MCU: variants seen among roughly 807,000 people sequenced by gnomAD.
MCU encodes mitochondrial calcium uniporter.
In MCU, 12 loss-of-function variants were observed where a neutral mutation model predicts 45.2. The ratio of observed to expected loss-of-function variants is 0.27; its 90% CI spans 0.17 to 0.43. The LOEUF is 0.43. MCU is among the 20% of genes least tolerant of loss of function. The probability of loss-of-function intolerance (pLI) is 1.00; values close to 1 mark genes in which losing one functional copy is unlikely to be tolerated. For synonymous variants in MCU, 160 were observed against 165.1 expected (o/e 0.97, Z 0.24); for missense variants, 324 against 436.7 (o/e 0.74, Z 2.30).
intron 1 of MCU, chr10:72,693,118 C>T: frequency 1.3e-6 from 2 of 1,522,578 alleles, no homozygotes; most frequent in Non-Finnish European, 1.8e-6. Flanking sequence ...CCAGTTGTTG[C>T]TGGGTTTCAT....
intron 1 of MCU, among the ~76,000 whole-genome samples, chr10:72,749,177 T>G (rs1242993341): frequency 6.6e-6 from 1 of 152,018 alleles, no homozygotes; most frequent in Non-Finnish European, 1.5e-5. Context: ...CTCAGCTACT[T>G]GGGAGACTGA....
At chr10:72,710,006 C>G (rs932370708) in intron 1 of MCU, among the ~76,000 whole-genome samples, 1 of 152,144 alleles carries the variant, frequency 6.6e-6, no homozygotes, top group Non-Finnish European at 1.5e-5. Context: ...GATGAAGTCT[C>G]GATCTGTCGC....
chr10:72,810,490 G>A (rs181344729), intron 1 of MCU, among the ~76,000 whole-genome samples: 27 of 121,436 alleles, frequency 2.2e-4, no homozygotes, highest in African/African-American at 5.3e-4. Context: ...TTTTTTTGAC[G>A]GAGTTTCGCT....
chr10:72,721,428 A>C (rs2132672561), intron 1 of MCU, among the ~76,000 whole-genome samples: 1 of 152,288 alleles, frequency 6.6e-6, no homozygotes, highest in Admixed American at 6.5e-5. Context: ...TATCGGCTTC[A>C]GCACATCACT....
intron 1 of MCU, among the ~76,000 whole-genome samples, chr10:72,748,520 T>G (rs1212830364): frequency 6.6e-6 from 1 of 152,132 alleles, no homozygotes; most frequent in Non-Finnish European, 1.5e-5. Flanking sequence ...AAAGTGAATG[T>G]CAAGGAGATA....
intron 1 of MCU, among the ~76,000 whole-genome samples, chr10:72,783,774 A>G (rs1844030819): frequency 6.6e-6 from 1 of 152,186 alleles, no homozygotes; most frequent in African/African-American, 2.4e-5. Context: ...TGTGACAAGT[A>G]CCTAAAATCA....
intron 1 of MCU, among the ~76,000 whole-genome samples, chr10:72,764,106 C>T (rs1843693799): frequency 6.6e-6 from 1 of 152,162 alleles, no homozygotes; most frequent in South Asian, 2.1e-4. Context: ...ATCCCCTTCA[C>T]ATTTACATAA....
At chr10:72,836,107 T>G (rs1844952347) in intron 2 of MCU, among the ~76,000 whole-genome samples, 1 of 152,032 alleles carries the variant, frequency 6.6e-6, no homozygotes, top group African/African-American at 2.4e-5. Flanking sequence ...GTGCCATCAT[T>G]AGATAGTTTG....
intron 1 of MCU, among the ~76,000 whole-genome samples, chr10:72,802,904 C>T (rs1330671067): frequency 6.6e-6 from 1 of 152,180 alleles, no homozygotes; most frequent in Non-Finnish European, 1.5e-5. Flanking sequence ...AGTAGCATTT[C>T]ACTATAGTTT....
chr10:72,710,124 T>A (rs976128154), intron 1 of MCU, among the ~76,000 whole-genome samples: 1 of 152,102 alleles, frequency 6.6e-6, no homozygotes, highest in South Asian at 2.1e-4. Flanking sequence ...TACAGGCACA[T>A]GCCACCATGC....
chr10:72,791,228 A>G (rs1844155429), intron 1 of MCU, among the ~76,000 whole-genome samples: 2 of 152,364 alleles, frequency 1.3e-5, no homozygotes, highest in South Asian at 4.1e-4. Context: ...CTTTAAATTT[A>G]GGAATGACTA....
chr10:72,717,764 G>A (rs951487846), intron 1 of MCU, among the ~76,000 whole-genome samples: 5 of 152,166 alleles, frequency 3.3e-5, no homozygotes, highest in African/African-American at 1.2e-4. Context: ...GTGTGTGTGG[G>A]TATGTGTGTC....
At chr10:72,816,453 T>C (rs1333967493) in intron 1 of MCU, among the ~76,000 whole-genome samples, 2 of 152,184 alleles carry the variant, frequency 1.3e-5, no homozygotes, top group African/African-American at 4.8e-5. Context: ...AGCCAATTGG[T>C]GTGTGCTTTT....
At chr10:72,776,397 T>TA (rs1272692539) in intron 1 of MCU, among the ~76,000 whole-genome samples, 1 of 152,170 alleles carries the variant, frequency 6.6e-6, no homozygotes, top group Non-Finnish European at 1.5e-5. Flanking sequence ...ATTCCAGTGA[T>TA]ATAAGAGAAT....
intron 1 of MCU, among the ~76,000 whole-genome samples, chr10:72,727,068 G>A (rs1589434315): frequency 6.6e-6 from 1 of 152,130 alleles, no homozygotes; most frequent in East Asian, 1.9e-4. Context: ...GGCCGTTTTG[G>A]CAATAGATTT....
At chr10:72,727,358 T>A (rs1843115058) in intron 1 of MCU, among the ~76,000 whole-genome samples, 1 of 152,234 alleles carries the variant, frequency 6.6e-6, no homozygotes, top group Non-Finnish European at 1.5e-5. Context: ...ATCTTGCTCA[T>A]CTTGCATGTC....
At chr10:72,768,424 G>A (rs1210212005) in intron 1 of MCU, among the ~76,000 whole-genome samples, 2 of 152,128 alleles carry the variant, frequency 1.3e-5, no homozygotes, top group Non-Finnish European at 2.9e-5. Flanking sequence ...ATTCATGTTA[G>A]AATTCCAGTA....
intron 1 of MCU, among the ~76,000 whole-genome samples, chr10:72,832,081 T>G (rs956159804): frequency 2.0e-5 from 3 of 152,152 alleles, no homozygotes; most frequent in African/African-American, 7.2e-5. Flanking sequence ...TTAATGTTTT[T>G]TAAGAGATGA....
rs946230013 is a variant in MCU at position 72,792,030 on chromosome 10, T to G, written c.151-42329T>G. ...TGGGTAAAGTCTTTCAGTATCTCCA[T>G]GTGAATATGAAAATAGTGTTATAAA... On this transcript the variant is annotated intron_variant, in intron 1 of 7. Transcript: ENST00000373053. 4.6e-5 allele frequency among the ~76,000 whole-genome samples: 7 copies of G among 152,292 alleles called. No homozygotes were observed. In the East Asian group the frequency reaches 1.4e-3, roughly 29 times the overall value.
Sources: allele counts gnomAD v4.1 joint callset (sites outside exome capture counted in the v4.1 genomes callset), GRCh38; gene constraint gnomAD v4.1.1; transcripts MANE v1.5; gene names NCBI Gene and HGNC (gene_info 2026-07-23, HGNC 2026-07-21).